Variants in PRPF4 observed in about 807,000 individuals in gnomAD.
PRPF4 encodes pre-mRNA splicing tri-snRNP complex factor PRPF4, also known as U4/U6 small nuclear ribonucleoprotein Prp4.
Under a neutral mutation model 72.2 loss-of-function variants are expected in PRPF4, and 14 were observed. The ratio of observed to expected loss-of-function variants is 0.19; its 90% confidence interval spans 0.13 to 0.30. The LOEUF (loss-of-function observed/expected upper bound fraction) is 0.30, where lower values mean the gene tolerates loss of function less well. Ranked by LOEUF, PRPF4 falls within the 10% of genes least tolerant of loss-of-function variation. The pLI, the probability that PRPF4 is intolerant of heterozygous loss-of-function variation, is 1.00. For synonymous variants in PRPF4, 225 were observed against 232.2 expected (o/e 0.97, Z 0.28); for missense variants, 478 against 653.9 (o/e 0.73, Z 2.93).
intron 3 of PRPF4, among the ~76,000 whole-genome samples, chr9:113,280,034 G>T (rs1310666446): frequency 6.6e-6 from 1 of 151,980 alleles, no homozygotes; most frequent in African/African-American, 2.4e-5. Context: ...CTCCCTTGAG[G>T]TCCTTACCCT....
At position 113,292,615 on chromosome 9, in the gene PRPF4, G is replaced by A. The variant is rs1055543206; in HGVS notation, c.*955G>A. 1 of 151,862 alleles carries A rather than the reference G, an allele frequency of 6.6e-6. No individual in the cohort carries two copies. The highest frequency in any genetic ancestry group is 1.5e-5 in the Non-Finnish European group (1 of 67,948). 9.4% of individuals were successfully genotyped at this position (151,862 alleles called of 1,614,324 possible). A position where few individuals can be genotyped will look rare whatever the true frequency, so the allele number is the denominator to read the frequency against. On this transcript the variant is annotated 3_prime_UTR_variant, in exon 14 of 14. Transcript: ENST00000374198. ...CAGAAAATATCTTTTTTTTTACTTTGAAGTTTGGCAACCTTCATGTTACCC... is the reference window on the plus strand; with the variant it reads ...CAGAAAATATCTTTTTTTTTACTTTAAAGTTTGGCAACCTTCATGTTACCC...
intron 3 of PRPF4, among the ~76,000 whole-genome samples, chr9:113,279,436 T>C (rs1341411710): frequency 6.6e-6 from 1 of 152,170 alleles, no homozygotes; most frequent in Non-Finnish European, 1.5e-5. Context: ...TGATCTCGGC[T>C]CACTGCAGCC....
intron 5 of PRPF4, 78 bp from the exon 6 acceptor site, chr9:113,283,311 T>G: frequency 6.2e-7 from 1 of 1,612,042 alleles, no homozygotes; most frequent in African/African-American, 1.3e-5. Flanking sequence ...TAAATGAAAT[T>G]GAGGGGTAGA....
intron 5 of PRPF4, 57 bp downstream of exon 5, chr9:113,283,268 A>T (rs1832335625): frequency 6.2e-7 from 1 of 1,614,086 alleles, no homozygotes; most frequent in African/African-American, 1.3e-5. Context: ...GTTTCCTCTC[A>T]GGAACTGAGT....
chr9:113,285,397 GA>G, intron 7 of PRPF4, among the ~76,000 whole-genome samples: 1 of 60,592 alleles, frequency 1.7e-5, no homozygotes, highest in Non-Finnish European at 3.2e-5. Context: ...TTTTTTTTTT[GA>G]GACGGAGTGT....
At position 113,292,820 on chromosome 9, in the gene PRPF4, T is replaced by C. The variant is rs572942090; in HGVS notation, c.*1160T>C. ...TGTTCCTAAACCTAAACCTTTTCTT[T>C]ATTCCACATTTGCTACGGTAAAATC... On this transcript the variant is annotated 3_prime_UTR_variant, in exon 14 of 14. Coordinates refer to ENST00000374198, the MANE Select transcript of PRPF4 (RefSeq NM_001244926.2). 6 of 152,362 alleles carry C rather than the reference T, an allele frequency of 3.9e-5. No individual in the cohort carries two copies. The South Asian group carries it at 8.3e-4, about 21-fold the overall frequency. The allele number at this position is 152,362 out of a possible 1,614,324, so 9.4% of individuals were successfully genotyped here.
At chr9:113,277,674 C>T (rs893063025) in intron 2 of PRPF4, among the ~76,000 whole-genome samples, 2 of 152,240 alleles carry the variant, frequency 1.3e-5, no homozygotes, top group Non-Finnish European at 2.9e-5. Context: ...GCGTGAGCCA[C>T]TGCACCTGAC....
chr9:113,285,343 A>ATTTTTTTTTTTTTTT (rs71367713), intron 7 of PRPF4, among the ~76,000 whole-genome samples: 7 of 67,576 alleles, frequency 1.0e-4, no homozygotes, highest in Admixed American at 1.8e-4. Context: ...GTCTCTACAA[A>ATTTTTTTTTTTTTTT]TTTTTTTTTT....
chr9:113,284,515 A>G, intron 7 of PRPF4, 126 bp downstream of exon 7: 2 of 775,782 alleles, frequency 2.6e-6, no homozygotes, highest in Non-Finnish European at 4.3e-6. Context: ...ACACCAAACT[A>G]CAGATGTCAG....
At position 113,283,465 on chromosome 9, in the gene PRPF4, C is replaced by A. The variant is rs769494993; in HGVS notation, c.637C>A (p.Leu213Met). Residue 213 changes from leucine (L) to methionine (M), a missense_variant, in exon 6 of 14, where the codon CTG (leucine) becomes ATG (methionine). By Grantham distance (15) the Leu-to-Met change is conservative. Coordinates refer to ENST00000374198, the MANE Select transcript of PRPF4 (RefSeq NM_001244926.2). ...ETTRTSQMQE[L>M]HKSLRSLNNF... ...AACAAGGACCTCCCAGATGCAAGAGCTGCACAAGTCTCTCCGGGTAAGATG... is the reference window on the plus strand; with the variant it reads ...AACAAGGACCTCCCAGATGCAAGAGATGCACAAGTCTCTCCGGGTAAGATG... 1.2e-6 allele frequency: 2 copies of A among 1,614,096 alleles called. No individual in the cohort carries two copies. Among genetic ancestry groups the A allele is most frequent in the Non-Finnish European group, 1.7e-6 (2 of 1,179,992 alleles).
Position 113,286,719 on chromosome 9 carries a change from G to A in PRPF4, c.823G>A (p.Val275Ile). Residue 275 changes from valine (V) to isoleucine (I), a missense_variant, in exon 9 of 14, where the codon GTA becomes ATA. Transcript: ENST00000374198. ...LHTLRGHNTN[V>I]GAIVFHPKST... The stretch of plus-strand genomic sequence containing the variant: ...CACTCCTTTAGGGCATAACACAAAT[G>A]TAGGAGCAATTGTATTCCATCCCAA... 1 of 1,614,186 alleles carries A rather than the reference G, an allele frequency of 6.2e-7. No homozygotes were observed. Among genetic ancestry groups the A allele is most frequent in the Non-Finnish European group, 8.5e-7 (1 of 1,180,016 alleles).
chr9:113,286,251 T>C lies in PRPF4; in HGVS notation c.769T>C (p.Trp257Arg), dbSNP rs1345957820. 6.2e-7 allele frequency: 1 copy of C among 1,614,036 alleles called. No homozygotes were observed. The highest frequency in any genetic ancestry group is 8.5e-7 in the Non-Finnish European group (1 of 1,180,000). Residue 257 changes from tryptophan (W) to arginine (R), a missense_variant, in exon 8 of 14, where the codon TGG becomes CGG. Trp to Arg is a moderately radical substitution (Grantham distance 101). Coordinates refer to ENST00000374198, the MANE Select transcript of PRPF4 (RefSeq NM_001244926.2). ...TGATAGGAGTGGGCTTTGCAAGCTC[T>C]GGTCTGTTCCTGATTGCAACCTCCT... Reference protein sequence around the residue: ...TACWSGLCKLWSVPDCNLLHT... With the variant: ...TACWSGLCKLRSVPDCNLLHT...
chr9:113,276,511 T>C, intron 1 of PRPF4, 37 bp from the exon 2 acceptor site: 1 of 1,611,960 alleles, frequency 6.2e-7, no homozygotes, highest in Non-Finnish European at 8.5e-7. Context: ...ATTGCCAAGA[T>C]TAAACCTTAG....
intron 10 of PRPF4, among the ~76,000 whole-genome samples, chr9:113,290,136 C>G (rs1832565385): frequency 6.6e-6 from 1 of 152,006 alleles, no homozygotes. Context: ...AGGAGAATGG[C>G]TTGAACCCGG....
chr9:113,289,512 G>GC (rs1832546423), intron 10 of PRPF4, among the ~76,000 whole-genome samples: 1 of 152,152 alleles, frequency 6.6e-6, no homozygotes, highest in African/African-American at 2.4e-5. Flanking sequence ...GCCCAATCTA[G>GC]CAGGTGTGTA....
chr9:113,284,536 A>G, intron 7 of PRPF4, 147 bp downstream of exon 7: 1 of 690,902 alleles, frequency 1.4e-6, no homozygotes, highest in Non-Finnish European at 2.5e-6. Context: ...TCAGTGCTCT[A>G]CCTGTTGTAT....
chr9:113,280,338 C>T (rs538644507), intron 3 of PRPF4, among the ~76,000 whole-genome samples: 1 of 152,296 alleles, frequency 6.6e-6, no homozygotes, highest in East Asian at 1.9e-4. Context: ...GTGATCAGCT[C>T]TACTCCCATG....
chr9:113,288,416 A>T (rs1367731889), intron 10 of PRPF4, 152 bp downstream of exon 10: 2 of 684,250 alleles, frequency 2.9e-6, no homozygotes, highest in Non-Finnish European at 4.9e-6. Context: ...AATGTTTAAT[A>T]TAGTGAGAGC....
intron 3 of PRPF4, among the ~76,000 whole-genome samples, chr9:113,279,510 C>T (rs1313203678): frequency 6.6e-6 from 1 of 152,008 alleles, no homozygotes; most frequent in Non-Finnish European, 1.5e-5. Context: ...ATTACAGGCA[C>T]CTGCCACCAC....
Sources: gnomAD v4.1 joint callset for allele counts (sites outside exome capture counted in the v4.1 genomes callset) on GRCh38, gnomAD v4.1.1 for gene constraint, MANE v1.5 for transcripts, NCBI Gene and HGNC (gene_info 2026-07-23, HGNC 2026-07-21) for gene names.